The following SLC13A5 variants were observed in gnomAD, a reference collection of about 807,000 sequenced individuals.
The protein encoded by SLC13A5 is solute carrier family 13 member 5.
Under a neutral mutation model 56.5 loss-of-function variants are expected in SLC13A5, and 25 were observed. That is an observed-to-expected ratio of 0.44 (90% CI 0.32 to 0.62). The LOEUF (loss-of-function observed/expected upper bound fraction) is 0.62. Among genes scored for constraint, SLC13A5 ranks in the 20% least tolerant of loss-of-function variants. The probability of loss-of-function intolerance (pLI) is 0.04; values close to 1 mark genes in which losing one functional copy is unlikely to be tolerated. For synonymous variants in SLC13A5, 307 were observed against 301.5 expected (o/e 1.02, Z -0.19); for missense variants, 649 against 737.8 (o/e 0.88, Z 1.39).
At chr17:6,704,590 A>C (rs2151495902) in intron 3 of SLC13A5, 1 of 248,902 alleles carries the variant, frequency 4.0e-6, no homozygotes, top group Non-Finnish European at 8.2e-6. Flanking sequence ...AAGTGTGACT[A>C]TTCTCCCGGC....
chr17:6,684,787 A>T lies in SLC13A5; in HGVS notation c.*1420T>A, dbSNP rs1973194595. ...AGTGTGGTCAGGAATCGTCCCACCC[A>T]AGGAACCAGACACATACTCGGTCCT... On this transcript the variant is annotated 3_prime_UTR_variant, in exon 12 of 12. Coordinates refer to ENST00000433363, the MANE Select transcript of SLC13A5 (RefSeq NM_177550.5). 1 of 152,216 alleles carries T rather than the reference A, an allele frequency of 6.6e-6. No individual in the cohort carries two copies. The highest frequency in any genetic ancestry group is 2.1e-4 in the South Asian group (1 of 4,830). 9.4% of individuals were successfully genotyped at this position (152,216 alleles called of 1,614,324 possible).
Position 6,687,203 on chromosome 17 carries a change from A to C in SLC13A5, c.1575+326T>G. On this transcript the variant is annotated intron_variant, in intron 11 of 11. Transcript: ENST00000433363. This position sits in a 1 kb window ranked among gnomAD's most constrained non-coding sequence, Gnocchi z 5.0. ...CTGCCTATCTTCATGGTTCTTGCTA[A>C]TTTGTCAAGTTCATCCTTGGCCATA... is the stretch of plus-strand genomic sequence containing the variant. The C allele has an allele frequency of 3.4e-6, 1 of 292,804 alleles. No homozygotes were observed. 18.1% of individuals were successfully genotyped at this position (292,804 alleles called of 1,614,324 possible).
In SLC13A5 at chr17:6,703,903, G is replaced by A; in HGVS notation, c.522C>T (p.Asp174=). The part of the protein sequence containing the change: ...AATEAGLELV[D]KGKAKELPGS... ...CTGGCAGCTCCTTGGCCTTGCCCTT[G>A]TCCACCAGCTCCAGGCCGGCCTCGG... The change falls in exon 4 of 12, where the codon GAC becomes GAT. Residue 174 remains aspartate, a synonymous_variant. Coordinates refer to ENST00000433363, the MANE Select transcript of SLC13A5 (RefSeq NM_177550.5). 4.5e-6 allele frequency: 7 copies of A among 1,571,466 alleles called. No individual in the cohort carries two copies. Among genetic ancestry groups the A allele is most frequent in the South Asian group, 1.2e-5 (1 of 84,796 alleles).
intron 6 of SLC13A5, among the ~76,000 whole-genome samples, 190 bp downstream of exon 6, chr17:6,700,814 C>T (rs1238625613): frequency 2.6e-5 from 4 of 152,102 alleles, no homozygotes; most frequent in Non-Finnish European, 2.9e-5. Flanking sequence ...AAGGGGACCA[C>T]GTGTGCACAA....
intron 1 of SLC13A5, among the ~76,000 whole-genome samples, chr17:6,710,175 T>G (rs1479134275): frequency 6.6e-6 from 1 of 152,188 alleles, no homozygotes; most frequent in Non-Finnish European, 1.5e-5. Context: ...GGTGTCGGGG[T>G]GTACCCTGGG....
At position 6,701,747 on chromosome 17, in the gene SLC13A5, G is replaced by A. The variant is rs1973719817; in HGVS notation, c.717-621C>T. 1.3e-5 allele frequency among the ~76,000 whole-genome samples: 2 copies of A among 152,184 alleles called. No individual in the cohort carries two copies. Among genetic ancestry groups the A allele is most frequent in the Non-Finnish European group, 1.5e-5 (1 of 68,018 alleles). ...AGAAAAATACACCTTTTATACACAT[G>A]CATGTAATTTGGCTGACATCTTTGG... On this transcript the variant is annotated intron_variant, in intron 5 of 11. Transcript: ENST00000433363. This position sits in a 1 kb window ranked among gnomAD's most constrained non-coding sequence, Gnocchi z 4.1.
At position 6,694,211 on chromosome 17, in the gene SLC13A5, AG is replaced by A; in HGVS notation, c.1056-15del. ...TCGGAGACATACCTAGGTGGGGAAAAGCACAGCTCATCTGCGACAGAGACAG... is the reference window on the plus strand; with the variant it reads ...TCGGAGACATACCTAGGTGGGGAAAACACAGCTCATCTGCGACAGAGACAG... On this transcript the variant is annotated splice_polypyrimidine_tract_variant and intron_variant, in intron 7 of 11. Transcript: ENST00000433363. 6.6e-7 allele frequency: 1 copy of A among 1,514,376 alleles called. No individual in the cohort carries two copies. Among genetic ancestry groups the A allele is most frequent in the Non-Finnish European group, 9.2e-7 (1 of 1,090,434 alleles). 93.8% of individuals were successfully genotyped at this position (1,514,376 alleles called of 1,614,324 possible). A position where few individuals can be genotyped will look rare whatever the true frequency, so the allele number is the denominator to read the frequency against.
rs1973273680 is a variant in SLC13A5 at position 6,687,247 on chromosome 17, C to A, written c.1575+282G>T. ...GGCCATATGAGTCCCTCAGCCCCACCTTCACCCCTTCCAAGGACTCCCCTG... is the reference window on the plus strand; with the variant it reads ...GGCCATATGAGTCCCTCAGCCCCACATTCACCCCTTCCAAGGACTCCCCTG... On this transcript the variant is annotated intron_variant, in intron 11 of 11. Coordinates refer to ENST00000433363, the MANE Select transcript of SLC13A5 (RefSeq NM_177550.5). The surrounding 1 kb of genome is among the most constrained non-coding windows in gnomAD (Gnocchi z 5.0). The A allele has an allele frequency of 2.6e-6, 1 of 392,118 alleles. No individual in the cohort carries two copies. Among genetic ancestry groups the A allele is most frequent in the Admixed American group, 4.9e-5 (1 of 20,322 alleles). 24.3% of individuals were successfully genotyped at this position (392,118 alleles called of 1,614,324 possible).
chr17:6,696,066 A>G, intron 6 of SLC13A5, 125 bp from the exon 7 acceptor site: 2 of 825,736 alleles, frequency 2.4e-6, no homozygotes, highest in East Asian at 5.2e-5. Context: ...CTCGCCTGCT[A>G]TGGGGCCTGG....
chr17:6,689,431 GT>G (rs1197568067), intron 10 of SLC13A5: 1 of 152,252 alleles, frequency 6.6e-6, no homozygotes, highest in African/African-American at 2.4e-5. Context: ...AGCTGGGGGA[GT>G]TTTTACTTGA....
Position 6,711,483 on chromosome 17 carries a change from A to AGG in SLC13A5, c.102+1747_102+1748dup, listed in dbSNP as rs1355265712. On this transcript the variant is annotated intron_variant, in intron 1 of 11. Transcript: ENST00000433363. The surrounding 1 kb of genome is among the most constrained non-coding windows in gnomAD (Gnocchi z 4.0). ...CACACTGAGTTAGGGTTTCCAGTTCAGGGTGTGTGTGTGTGTGTGTGTGTA... is the reference window on the plus strand; with the variant it reads ...CACACTGAGTTAGGGTTTCCAGTTCAGGGGGTGTGTGTGTGTGTGTGTGTGTA... 5.0e-5 allele frequency among the ~76,000 whole-genome samples: 5 copies of AGG among 99,464 alleles called. No individual in the cohort carries two copies. Among genetic ancestry groups the AGG allele is most frequent in the East Asian group, 8.2e-4 (2 of 2,434 alleles). The allele number at this position is 99,464 out of a possible 152,430, so 65.3% of individuals were successfully genotyped here.
intron 10 of SLC13A5, chr17:6,689,278 C>G (rs1973330149): frequency 6.6e-6 from 1 of 152,438 alleles, no homozygotes; most frequent in Admixed American, 6.5e-5. Flanking sequence ...GCTGGCGCGT[C>G]TCCCCGACCA....
rs550713218 is a variant in SLC13A5 at position 6,701,698 on chromosome 17, A to C, written c.717-572T>G. On this transcript the variant is annotated intron_variant, in intron 5 of 11. Transcript: ENST00000433363. The surrounding 1 kb of genome is among the most constrained non-coding windows in gnomAD (Gnocchi z 4.1). ...GCACTCCAGCCTGGGCGACAGAGCG[A>C]GACTTGTCTCAAAAAGAAAAAAAAG... is the stretch of plus-strand genomic sequence containing the variant. Among the ~76,000 whole-genome samples the C allele has an allele frequency of 6.6e-6, 1 of 152,338 alleles. No homozygotes were observed. Among genetic ancestry groups the C allele is most frequent in the South Asian group, 2.1e-4 (1 of 4,828 alleles).
intron 1 of SLC13A5, among the ~76,000 whole-genome samples, chr17:6,712,518 C>CACATT (rs1474078368): frequency 2.0e-5 from 3 of 152,258 alleles, no homozygotes; most frequent in Non-Finnish European, 2.9e-5. Context: ...GGTCCTGCCA[C>CACATT]CCAAGGCGCG....
At chr17:6,703,829 A>C (rs761939090) in intron 4 of SLC13A5, 49 bp downstream of exon 4, 1 of 1,484,562 alleles carries the variant, frequency 6.7e-7, no homozygotes, top group South Asian at 1.4e-5. Context: ...CAGCAGAGGG[A>C]GGGGAAGGCT....
In SLC13A5 at chr17:6,690,762, A is replaced by G; in HGVS notation, c.1437+17T>C. 6.2e-7 allele frequency: 1 copy of G among 1,614,144 alleles called. No homozygotes were observed. Among genetic ancestry groups the G allele is most frequent in the Non-Finnish European group, 8.5e-7 (1 of 1,180,006 alleles). ...CTGTGAAATGGAAGGGCTCCTCCCC[A>G]CTGTCAGGTTACTTACCATGGAGGC... is the stretch of plus-strand genomic sequence containing the variant. On this transcript the variant is annotated intron_variant, in intron 10 of 11. Transcript: ENST00000433363.
chr17:6,691,191 A>G (rs980737824), intron 9 of SLC13A5, among the ~76,000 whole-genome samples: 1 of 152,160 alleles, frequency 6.6e-6, no homozygotes, highest in Non-Finnish European at 1.5e-5. Context: ...CAGATGTCCC[A>G]AGAGCACAAC....
At position 6,690,923 on chromosome 17, in the gene SLC13A5, C is replaced by T; in HGVS notation, c.1293G>A (p.Val431=). ...AGGGCTCCATCTGCTTCCCCATCCACACGGACAGCCCCGAGGCCTGGGAAG... is the reference window on the plus strand; with the variant it reads ...AGGGCTCCATCTGCTTCCCCATCCATACGGACAGCCCCGAGGCCTGGGAAG... The part of the protein sequence containing the change: ...AKGSEASGLS[V]WMGKQMEPLH... The change falls in exon 10 of 12, where the codon GTG becomes GTA. Residue 431 remains valine (V), a synonymous_variant. Transcript: ENST00000433363. 1.2e-6 allele frequency: 2 copies of T among 1,611,162 alleles called. No individual in the cohort carries two copies. Among genetic ancestry groups the T allele is most frequent in the South Asian group, 1.1e-5 (1 of 90,644 alleles).
chr17:6,708,384 CCTT>C lies in SLC13A5; in HGVS notation c.103-1231_103-1229del, dbSNP rs527461278. ...GAGTTGTCACTGTTTCCTCAACTGTCCTTCTACCACCACAACCAGTGCGTGACT... is the reference window on the plus strand; with the variant it reads ...GAGTTGTCACTGTTTCCTCAACTGTCCTACCACCACAACCAGTGCGTGACT... On this transcript the variant is annotated intron_variant, in intron 1 of 11. Transcript: ENST00000433363. 1.9e-3 allele frequency among the ~76,000 whole-genome samples: 295 copies of C among 152,344 alleles called. 2 individuals carry two copies. The highest frequency in any genetic ancestry group is 6.8e-3 in the African/African-American group (282 of 41,578).
Sources: allele counts gnomAD v4.1 joint callset (sites outside exome capture counted in the v4.1 genomes callset), GRCh38; gene constraint gnomAD v4.1.1; non-coding constraint Gnocchi (gnomAD v3.1); transcripts MANE v1.5; gene names NCBI Gene and HGNC (gene_info 2026-07-23, HGNC 2026-07-21).